ST8SIA6: variants seen among roughly 807,000 people sequenced by gnomAD.
ST8SIA6 encodes ST8 alpha-N-acetyl-neuraminide alpha-2,8-sialyltransferase 6.
A neutral mutation model predicts 33.6 loss-of-function variants in ST8SIA6; 39 were observed. That is an observed-to-expected ratio of 1.16 (90% CI 0.90 to 1.52). The LOEUF (loss-of-function observed/expected upper bound fraction) is 1.52. Ranked by LOEUF, ST8SIA6 falls within the 40% of genes most tolerant of loss-of-function variation. The pLI, the probability that ST8SIA6 is intolerant of heterozygous loss-of-function variation, is 0.00. For synonymous variants in ST8SIA6, 172 were observed against 167.2 expected (o/e 1.03, Z -0.22); for missense variants, 441 against 443.8 (o/e 0.99, Z 0.06).
At position 17,381,032 on chromosome 10, in the gene ST8SIA6, G is replaced by GTTT. The variant is rs34818070; in HGVS notation, c.290+9496_290+9498dup. Among the ~76,000 whole-genome samples the GTTT allele has an allele frequency of 7.3e-4, 108 of 148,442 alleles. 1 individual carries two copies. The highest frequency in any genetic ancestry group is 2.5e-3 in the African/African-American group (103 of 40,606). ...AGATTTTGTCTTTTTTTGAGCAAAA[G>GTTT]TTTTTTTTTTTCTTTATCTTCTCAG... On this transcript the variant is annotated intron_variant, in intron 3 of 7. Transcript: ENST00000377602.
chr10:17,355,720 A>G (rs1200137256), intron 4 of ST8SIA6, among the ~76,000 whole-genome samples: 1 of 152,198 alleles, frequency 6.6e-6, no homozygotes, highest in African/African-American at 2.4e-5. Context: ...CTTTGCTAGC[A>G]ATATTGCTCT....
At chr10:17,411,149 C>A (rs549959554) in intron 2 of ST8SIA6, among the ~76,000 whole-genome samples, 1 of 151,726 alleles carries the variant, frequency 6.6e-6, no homozygotes, top group East Asian at 2.0e-4. Flanking sequence ...AAGGAATAAC[C>A]CTACCCAACA....
chr10:17,414,594 G>C (rs1011257766), intron 2 of ST8SIA6, among the ~76,000 whole-genome samples: 4 of 152,138 alleles, frequency 2.6e-5, no homozygotes, highest in African/African-American at 9.7e-5. Context: ...CAAAATGTTG[G>C]CATCGTTGGT....
chr10:17,399,031 A>G (rs554292011), intron 2 of ST8SIA6: 3 of 152,348 alleles, frequency 2.0e-5, no homozygotes, highest in African/African-American at 7.2e-5. Flanking sequence ...TAACAAATTA[A>G]TATTCTGATT....
At chr10:17,330,296 A>G (rs191014449) in intron 5 of ST8SIA6, among the ~76,000 whole-genome samples, 1 of 152,326 alleles carries the variant, frequency 6.6e-6, no homozygotes, top group Non-Finnish European at 1.5e-5. Context: ...CATGGCAGAC[A>G]CTGGCAAAAC....
intron 4 of ST8SIA6, among the ~76,000 whole-genome samples, chr10:17,337,479 C>G (rs963476656): frequency 1.3e-5 from 2 of 152,110 alleles, no homozygotes; most frequent in African/African-American, 4.8e-5. Context: ...CCAAAGCACT[C>G]GTTATAATCT....
chr10:17,437,177 G>T (rs1852294401), intron 2 of ST8SIA6, among the ~76,000 whole-genome samples: 1 of 151,896 alleles, frequency 6.6e-6, no homozygotes, highest in Non-Finnish European at 1.5e-5. Flanking sequence ...ACATATATTT[G>T]AGACAGGGTC....
At chr10:17,384,862 C>G (rs1850276871) in intron 3 of ST8SIA6, among the ~76,000 whole-genome samples, 1 of 151,846 alleles carries the variant, frequency 6.6e-6, no homozygotes, top group Non-Finnish European at 1.5e-5. Flanking sequence ...TAGCTTTTTC[C>G]CCCTTCCTCC....
At chr10:17,338,045 T>TC in intron 4 of ST8SIA6, among the ~76,000 whole-genome samples, 1 of 151,222 alleles carries the variant, frequency 6.6e-6, no homozygotes, top group South Asian at 2.1e-4. Flanking sequence ...TTTTTTTTTT[T>TC]TTTTTTGAGA....
At chr10:17,372,574 C>T (rs1461589239) in intron 3 of ST8SIA6, among the ~76,000 whole-genome samples, 2 of 152,158 alleles carry the variant, frequency 1.3e-5, no homozygotes, top group South Asian at 2.1e-4. Context: ...ACTATACATA[C>T]ATTTAAATTA....
At chr10:17,440,025 C>T (rs912075066) in intron 2 of ST8SIA6, among the ~76,000 whole-genome samples, 1 of 152,190 alleles carries the variant, frequency 6.6e-6, no homozygotes, top group African/African-American at 2.4e-5. Flanking sequence ...CAGATGCCAG[C>T]TCTGGCTTCA....
intron 4 of ST8SIA6, among the ~76,000 whole-genome samples, chr10:17,349,880 C>T (rs1848973211): frequency 6.6e-6 from 1 of 152,062 alleles, no homozygotes; most frequent in Non-Finnish European, 1.5e-5. Context: ...TTTGTTCTTC[C>T]TGATGCATTA....
At chr10:17,402,272 A>G (rs1244622905) in intron 2 of ST8SIA6, among the ~76,000 whole-genome samples, 1 of 152,144 alleles carries the variant, frequency 6.6e-6, no homozygotes, top group African/African-American at 2.4e-5. Flanking sequence ...TAAAAAGTCA[A>G]GAAACAACAG....
At chr10:17,431,297 G>A (rs755838952) in intron 2 of ST8SIA6, among the ~76,000 whole-genome samples, 2 of 152,104 alleles carry the variant, frequency 1.3e-5, no homozygotes, top group Non-Finnish European at 2.9e-5. Flanking sequence ...GAAAGTCAGG[G>A]CAGGTCTTTT....
intron 3 of ST8SIA6, among the ~76,000 whole-genome samples, chr10:17,375,876 C>T (rs1588857295): frequency 1.3e-5 from 2 of 152,294 alleles, no homozygotes; most frequent in Admixed American, 1.3e-4. Context: ...AAAAGTGTTT[C>T]TTCCCACCTT....
rs138213639 is a variant in ST8SIA6 at position 17,439,526 on chromosome 10, C to A, written c.200+14033G>T. Among the ~76,000 whole-genome samples the A allele has an allele frequency of 2.5e-3, 378 of 152,316 alleles. 2 individuals are homozygous for A. The highest frequency in any genetic ancestry group is 8.8e-3 in the African/African-American group (365 of 41,574). The stretch of plus-strand genomic sequence containing the variant: ...AACTCCTGACCTCAGGTGATCCACC[C>A]GCCTCGGCCTCAGCAAAGTGCTGGG... On this transcript the variant is annotated intron_variant, in intron 2 of 7. Coordinates refer to ENST00000377602, the MANE Select transcript of ST8SIA6 (RefSeq NM_001004470.3).
intron 2 of ST8SIA6, among the ~76,000 whole-genome samples, chr10:17,439,267 C>A (rs1852385048): frequency 7.0e-6 from 1 of 143,304 alleles, no homozygotes; most frequent in African/African-American, 2.7e-5. Flanking sequence ...TGCTTCTTCC[C>A]TCTCTTTTTT....
chr10:17,342,332 A>G (rs530487158), intron 4 of ST8SIA6, among the ~76,000 whole-genome samples: 137 of 152,342 alleles, frequency 9.0e-4, no homozygotes, highest in African/African-American at 3.1e-3. Context: ...ATATGAGGCT[A>G]TGAGAGCAGC....
At position 17,319,239 on chromosome 10, in the gene ST8SIA6, T is replaced by TGA. The variant is rs1847866750; in HGVS notation, c.*1637_*1638dup. The stretch of plus-strand genomic sequence containing the variant: ...CACAGTTCTTGTCGCTCTGTAATGG[T>TGA]GAGTTACTGCAAGTTTTTCACCAAG... On this transcript the variant is annotated 3_prime_UTR_variant, in exon 8 of 8. Transcript: ENST00000377602. Among the ~76,000 whole-genome samples the TGA allele has an allele frequency of 6.6e-6, 1 of 152,312 alleles. No homozygotes were observed. Among genetic ancestry groups the TGA allele is most frequent in the Admixed American group, 6.5e-5 (1 of 15,294 alleles).
Sources: allele counts gnomAD v4.1 joint callset (sites outside exome capture counted in the v4.1 genomes callset), GRCh38; gene constraint gnomAD v4.1.1; transcripts MANE v1.5; gene names NCBI Gene and HGNC (gene_info 2026-07-23, HGNC 2026-07-21).